The following ADAMTS12 variants were observed in gnomAD, a reference collection of about 807,000 sequenced individuals.
ADAMTS12 encodes A disintegrin and metalloproteinase with thrombospondin motifs 12.
ADAMTS12 carries 118 observed loss-of-function variants against 167.8 expected under a neutral mutation model. The ratio of observed to expected loss-of-function variants is 0.70; its 90% CI spans 0.61 to 0.82. ADAMTS12 has a LOEUF of 0.82. Ranked by LOEUF, ADAMTS12 falls within the 40% of genes least tolerant of loss-of-function variation. ADAMTS12 has a pLI of 0.00. For synonymous variants in ADAMTS12, 704 were observed against 716.9 expected, an observed-to-expected ratio of 0.98 and a Z score of 0.29; for missense variants, 1,916 against 1,998.8, an observed-to-expected ratio of 0.96 and a Z score of 0.79.
chr5:33,669,541 T>A (rs1741595342), intron 5 of ADAMTS12, among the ~76,000 whole-genome samples: 1 of 152,256 alleles, frequency 6.6e-6, no homozygotes, highest in East Asian at 1.9e-4. Flanking sequence ...TCGGAATACA[T>A]CACTATATTT....
chr5:33,813,158 C>A lies in ADAMTS12; in HGVS notation c.490-61610G>T, dbSNP rs572751251. Among the ~76,000 whole-genome samples, 9 of 152,280 alleles carry A rather than the reference C, an allele frequency of 5.9e-5. No homozygotes were observed. The South Asian group carries it at 1.7e-3, about 28-fold the overall frequency. ...CAAAACAGATTCCCAGTGTTATGCA[C>A]CAACTTAAAGTCCCACCAGCAATAT... On this transcript the variant is annotated intron_variant, in intron 2 of 23. Transcript: ENST00000504830.
At chr5:33,566,137 T>C (rs1276051568) in intron 19 of ADAMTS12, among the ~76,000 whole-genome samples, 2 of 152,132 alleles carry the variant, frequency 1.3e-5, no homozygotes, top group African/African-American at 4.8e-5. Context: ...TTGATTCAAA[T>C]TGAATAGTCA....
chr5:33,736,502 T>C (rs947046368), intron 3 of ADAMTS12, among the ~76,000 whole-genome samples: 3 of 152,238 alleles, frequency 2.0e-5, no homozygotes, highest in East Asian at 1.9e-4. Context: ...TTTGTGTTCA[T>C]GGGCTTCCAA....
intron 2 of ADAMTS12, among the ~76,000 whole-genome samples, chr5:33,872,202 C>G (rs1169130155): frequency 1.3e-5 from 2 of 152,156 alleles, no homozygotes; most frequent in African/African-American, 4.8e-5. Flanking sequence ...CTTTCTAACT[C>G]ATTCCGTGGG....
chr5:33,655,160 G>A (rs1167638821), intron 7 of ADAMTS12, among the ~76,000 whole-genome samples: 1 of 152,102 alleles, frequency 6.6e-6, no homozygotes, highest in Non-Finnish European at 1.5e-5. Context: ...CTAAGGGGCA[G>A]CATTTAATGC....
At chr5:33,540,740 A>G (rs1339630203) in intron 22 of ADAMTS12, among the ~76,000 whole-genome samples, 2 of 152,210 alleles carry the variant, frequency 1.3e-5, no homozygotes. Context: ...CAGCTGAGGG[A>G]TCTGACTGTT....
At chr5:33,699,751 A>G (rs1742934269) in intron 3 of ADAMTS12, among the ~76,000 whole-genome samples, 1 of 152,192 alleles carries the variant, frequency 6.6e-6, no homozygotes, top group Non-Finnish European at 1.5e-5. Context: ...AAAAAGAAAA[A>G]GCCCATTTGA....
At chr5:33,701,020 A>G (rs1420110556) in intron 3 of ADAMTS12, among the ~76,000 whole-genome samples, 3 of 152,162 alleles carry the variant, frequency 2.0e-5, no homozygotes, top group Non-Finnish European at 4.4e-5. Flanking sequence ...TTCCTTCTTG[A>G]GTGGACTTAG....
chr5:33,774,649 C>T (rs1243279293), intron 2 of ADAMTS12, among the ~76,000 whole-genome samples: 1 of 141,636 alleles, frequency 7.1e-6, no homozygotes. Flanking sequence ...TTATTTTTGT[C>T]CAGTAGAATA....
rs1450866325 is a variant in ADAMTS12, at chr5:33,643,392, A to G, written c.1558T>C (p.Cys520Arg). Residue 520 changes from cysteine to arginine, a missense_variant, in exon 10 of 24, where the codon TGT becomes CGT. Physicochemically the swap from Cys to Arg is radical, Grantham distance 180 (BLOSUM62 -3). Coordinates refer to ENST00000504830, the MANE Select transcript of ADAMTS12 (RefSeq NM_030955.4). The part of the protein sequence containing the change: ...KLDAAADGTQ[C>R]GEKKWCMAGK... ...TGACGCATCACCTTCTTCTCACCAC[A>G]TTGAGTTCCATCTGCAGCAGCGTCC... 3.1e-6 allele frequency: 5 copies of G among 1,613,938 alleles called. No individual in the cohort carries two copies. In the African/African-American group the frequency reaches 4.0e-5, roughly 13 times the overall value.
chr5:33,551,527 T>C (rs1745253281), intron 20 of ADAMTS12, among the ~76,000 whole-genome samples: 1 of 152,170 alleles, frequency 6.6e-6, no homozygotes, highest in African/African-American at 2.4e-5. Context: ...TCTGACAAAA[T>C]AAATTTCCAG....
intron 19 of ADAMTS12, among the ~76,000 whole-genome samples, chr5:33,573,047 C>A (rs578072956): frequency 6.6e-6 from 1 of 151,898 alleles, no homozygotes; most frequent in African/African-American, 2.4e-5. Flanking sequence ...TACAAGGGAC[C>A]TGAAGGACCT....
intron 3 of ADAMTS12, among the ~76,000 whole-genome samples, chr5:33,699,032 C>A (rs1260400869): frequency 6.6e-6 from 1 of 152,158 alleles, no homozygotes; most frequent in East Asian, 1.9e-4. Context: ...TGGTGGGCAC[C>A]TGTAATCCCA....
chr5:33,621,213 T>C (rs1485280974), intron 14 of ADAMTS12, among the ~76,000 whole-genome samples: 4 of 151,728 alleles, frequency 2.6e-5, no homozygotes, highest in African/African-American at 9.7e-5. Flanking sequence ...GCCTGGCCAA[T>C]ATGGTGAAAC....
intron 2 of ADAMTS12, among the ~76,000 whole-genome samples, chr5:33,773,778 A>G (rs891201475): frequency 1.3e-5 from 2 of 152,160 alleles, no homozygotes; most frequent in African/African-American, 4.8e-5. Flanking sequence ...GGTGATTATG[A>G]TAGACTTTTT....
At chr5:33,751,082 T>C in intron 3 of ADAMTS12, 2 of 441,026 alleles carry the variant, frequency 4.5e-6, no homozygotes, top group Non-Finnish European at 4.0e-6. Context: ...CTGTAGACTA[T>C]TCAGAAGAGT....
At chr5:33,592,734 TGTTGAA>T (rs1204047775) in intron 17 of ADAMTS12, among the ~76,000 whole-genome samples, 1 of 152,122 alleles carries the variant, frequency 6.6e-6, no homozygotes, top group Non-Finnish European at 1.5e-5. Flanking sequence ...GAACACAGAA[TGTTGAA>T]ATTGGTTGTA....
rs138942624 is a variant in ADAMTS12 at position 33,632,867 on chromosome 5, T to G, written c.1889-1954A>C. On this transcript the variant is annotated intron_variant, in intron 12 of 23. Transcript: ENST00000504830. The stretch of plus-strand genomic sequence containing the variant: ...AAGGAATCATCTGTTTCAAGGCTGC[T>G]GGGAAGAGTTGGGACCAGAGCATGT... 7.2e-4 allele frequency among the ~76,000 whole-genome samples: 109 copies of G among 152,282 alleles called. 1 individual carries two copies. The highest frequency in any genetic ancestry group is 6.6e-3 in the South Asian group (32 of 4,830).
chr5:33,842,169 C>G (rs1020410973), intron 2 of ADAMTS12, among the ~76,000 whole-genome samples: 1 of 152,212 alleles, frequency 6.6e-6, no homozygotes, highest in African/African-American at 2.4e-5. Context: ...TCTAAGTAGA[C>G]AGGCCCAGCG....
Sources: gnomAD v4.1 joint callset for allele counts (sites outside exome capture counted in the v4.1 genomes callset) on GRCh38, gnomAD v4.1.1 for gene constraint, MANE v1.5 for transcripts, NCBI Gene and HGNC (gene_info 2026-07-23, HGNC 2026-07-21) for gene names.